SUCLG2: variants seen among roughly 807,000 people sequenced by gnomAD.
SUCLG2 encodes succinate-CoA ligase GDP-forming subunit beta, also known as succinate--CoA ligase [GDP-forming] subunit beta, mitochondrial.
In SUCLG2, 42 loss-of-function variants were observed where a neutral mutation model predicts 47.9. The ratio of observed to expected loss-of-function variants is 0.88; its 90% CI spans 0.69 to 1.14. The LOEUF is 1.14. SUCLG2 is among the 50% of genes most tolerant of loss of function. The pLI, the probability that SUCLG2 is intolerant of heterozygous loss-of-function variation, is 0.00. For missense variants in SUCLG2, 571 were observed against 525.9 expected, an observed-to-expected ratio of 1.09 and a Z score of -0.84; for synonymous variants, 195 against 197.3, an observed-to-expected ratio of 0.99 and a Z score of 0.10.
At chr3:67,449,940 A>C (rs1477601575) in intron 9 of SUCLG2, among the ~76,000 whole-genome samples, 2 of 152,226 alleles carry the variant, frequency 1.3e-5, no homozygotes, top group African/African-American at 4.8e-5. Flanking sequence ...GCTTAAATAC[A>C]TTATTTGAAA....
intron 2 of SUCLG2, among the ~76,000 whole-genome samples, chr3:67,540,399 T>C (rs1262656129): frequency 6.6e-6 from 1 of 151,924 alleles, no homozygotes; most frequent in Non-Finnish European, 1.5e-5. Flanking sequence ...GAGTAGGTGG[T>C]TTTCCCCTAG....
intron 9 of SUCLG2, among the ~76,000 whole-genome samples, chr3:67,443,075 A>G (rs1703812083): frequency 6.6e-6 from 1 of 152,240 alleles, no homozygotes; most frequent in African/African-American, 2.4e-5. Context: ...ACAATACAGT[A>G]TAACAACTAC....
rs576056816 is a variant in SUCLG2, at chr3:67,450,567, A to G, written c.1062+45231T>C. 2.7e-4 allele frequency among the ~76,000 whole-genome samples: 41 copies of G among 152,370 alleles called. No individual in the cohort carries two copies. In the South Asian group the frequency reaches 6.4e-3, roughly 24 times the overall value. On this transcript the variant is annotated intron_variant, in intron 9 of 10. Transcript: ENST00000307227. ...GAAAAAAATTGAACAGTGAACACCT[A>G]TATGCCCATCATCTAGATACTATCA...
rs1306139659 is a variant in SUCLG2, at chr3:67,609,685, T to C, written c.85-89A>G. ...TACATGGCCAGTCTTAGAGGTACTGTTGACTGGCAATCTGCAACCCAGAGT... is the reference window on the plus strand; with the variant it reads ...TACATGGCCAGTCTTAGAGGTACTGCTGACTGGCAATCTGCAACCCAGAGT... On this transcript the variant is annotated intron_variant, in intron 1 of 10. Coordinates refer to ENST00000307227, the MANE Select transcript of SUCLG2 (RefSeq NM_003848.4). 2.5e-5 allele frequency: 32 copies of C among 1,265,866 alleles called. 1 individual carries two copies. The highest frequency in any genetic ancestry group is 2.3e-5 in the Non-Finnish European group (22 of 941,934). The allele number at this position is 1,265,866 out of a possible 1,614,324, so 78.4% of individuals were successfully genotyped here. A position where few individuals can be genotyped will look rare whatever the true frequency, so the allele number is the denominator to read the frequency against.
chr3:67,398,575 A>G (rs200099078), intron 10 of SUCLG2, among the ~76,000 whole-genome samples: 47,019 of 150,488 alleles, frequency 0.31, 7,932 homozygotes, highest in African/African-American at 0.44. Flanking sequence ...TGTTGGTGGG[A>G]CTGTAAACTA....
At chr3:67,538,852 CTTTG>C (rs201206871) in intron 2 of SUCLG2, among the ~76,000 whole-genome samples, 2,970 of 152,194 alleles carry the variant, frequency 0.02, 86 homozygotes, top group African/African-American at 0.068. Flanking sequence ...TGATTTGGCT[CTTTG>C]TTTGTCTATT....
At chr3:67,571,921 G>A (rs1707622933) in intron 2 of SUCLG2, among the ~76,000 whole-genome samples, 1 of 152,132 alleles carries the variant, frequency 6.6e-6, no homozygotes, top group African/African-American at 2.4e-5. Context: ...TGGCTTCCTT[G>A]TGTGTCCATT....
intron 8 of SUCLG2, among the ~76,000 whole-genome samples, chr3:67,497,913 C>T (rs1052874902): frequency 6.6e-6 from 1 of 152,142 alleles, no homozygotes; most frequent in Non-Finnish European, 1.5e-5. Flanking sequence ...AATTATCCCA[C>T]CCAAACTCCC....
chr3:67,395,515 T>C (rs1035069999), intron 10 of SUCLG2, among the ~76,000 whole-genome samples: 1 of 152,160 alleles, frequency 6.6e-6, no homozygotes, highest in Admixed American at 6.5e-5. Flanking sequence ...GCACCCAGAT[T>C]CATAAAGCAA....
chr3:67,559,300 A>G (rs929402661), intron 2 of SUCLG2, among the ~76,000 whole-genome samples: 1 of 152,150 alleles, frequency 6.6e-6, no homozygotes, highest in African/African-American at 2.4e-5. Context: ...TAAATATACT[A>G]CCTGAGACTG....
intron 2 of SUCLG2, among the ~76,000 whole-genome samples, chr3:67,541,285 A>G (rs1706701076): frequency 6.6e-6 from 1 of 152,242 alleles, no homozygotes; most frequent in Non-Finnish European, 1.5e-5. Flanking sequence ...GTTATAACCC[A>G]GTGCAAAGAA....
chr3:67,616,475 G>A (rs1447767946), intron 1 of SUCLG2, among the ~76,000 whole-genome samples: 1 of 152,150 alleles, frequency 6.6e-6, no homozygotes, highest in Non-Finnish European at 1.5e-5. Flanking sequence ...AGGTCCAGAT[G>A]ATGTTCACCA....
At chr3:67,422,249 G>A (rs1016970187) in intron 9 of SUCLG2, among the ~76,000 whole-genome samples, 6 of 151,220 alleles carry the variant, frequency 4.0e-5, no homozygotes, top group East Asian at 1.9e-4. Flanking sequence ...TGAGGCAGGC[G>A]GATCACAAGG....
In SUCLG2 at chr3:67,484,215, A is replaced by G. The variant is rs75247866; in HGVS notation, c.1062+11583T>C. 2.8e-4 allele frequency among the ~76,000 whole-genome samples: 43 copies of G among 152,260 alleles called. No individual in the cohort carries two copies. In the East Asian group the frequency reaches 8.1e-3, roughly 29 times the overall value. ...TCTCTGCAAAGAGTCCTTCCTTCCAATGCTTGCCTGACTCTGGTGAACAAG... is the reference window on the plus strand; with the variant it reads ...TCTCTGCAAAGAGTCCTTCCTTCCAGTGCTTGCCTGACTCTGGTGAACAAG... On this transcript the variant is annotated intron_variant, in intron 9 of 10. Coordinates refer to ENST00000307227, the MANE Select transcript of SUCLG2 (RefSeq NM_003848.4).
chr3:67,511,650 T>C lies in SUCLG2; in HGVS notation c.661-2747A>G, dbSNP rs971172732. Among the ~76,000 whole-genome samples, 9 of 152,252 alleles carry C rather than the reference T, an allele frequency of 5.9e-5. No individual in the cohort carries two copies. The South Asian group carries it at 1.9e-3, about 31-fold the overall frequency. On this transcript the variant is annotated intron_variant, in intron 6 of 10. Transcript: ENST00000307227. The stretch of plus-strand genomic sequence containing the variant: ...TTCATAAATTATCCAGTCACGGGTA[T>C]GTCTTTATTATCAGCGTGAGAACAG...
At chr3:67,635,961 A>T (rs1482031567) in intron 1 of SUCLG2, among the ~76,000 whole-genome samples, 1 of 152,202 alleles carries the variant, frequency 6.6e-6, no homozygotes, top group East Asian at 1.9e-4. Flanking sequence ...TGCAAAGCCC[A>T]GTCTGTTAAG....
chr3:67,550,402 T>C (rs1249047238), intron 2 of SUCLG2, among the ~76,000 whole-genome samples: 1 of 152,154 alleles, frequency 6.6e-6, no homozygotes, highest in East Asian at 1.9e-4. Flanking sequence ...TACAGTGAAA[T>C]GATCATGGCT....
intron 10 of SUCLG2, among the ~76,000 whole-genome samples, chr3:67,395,995 C>G (rs1702517424): frequency 6.6e-6 from 1 of 151,762 alleles, no homozygotes; most frequent in South Asian, 2.1e-4. Flanking sequence ...CACAACATAC[C>G]AGAATCTCTG....
At chr3:67,615,276 G>A (rs1700604405) in intron 1 of SUCLG2, among the ~76,000 whole-genome samples, 1 of 150,862 alleles carries the variant, frequency 6.6e-6, no homozygotes. Flanking sequence ...ACATGCCCAA[G>A]AAATCATCCT....
Sources: gnomAD v4.1 joint callset for allele counts (sites outside exome capture counted in the v4.1 genomes callset) on GRCh38, gnomAD v4.1.1 for gene constraint, MANE v1.5 for transcripts, NCBI Gene and HGNC (gene_info 2026-07-23, HGNC 2026-07-21) for gene names.